The following SLC5A7 variants were observed in gnomAD, a reference collection of about 807,000 sequenced individuals.
SLC5A7 encodes the protein high affinity choline transporter 1.
In SLC5A7, 19 loss-of-function variants were observed where a neutral mutation model predicts 55.4. The observed-to-expected ratio is 0.34, with a 90% CI of 0.24 to 0.50. SLC5A7 has a LOEUF of 0.50. Ranked by LOEUF, SLC5A7 falls within the 20% of genes least tolerant of loss-of-function variation. The pLI is 0.98. For synonymous variants in SLC5A7, 265 were observed against 263.7 expected (o/e 1.00, Z -0.05); for missense variants, 506 against 705.3 (o/e 0.72, Z 3.20).
rs148535388 is a variant in SLC5A7, at chr2:108,010,424, G to A, written c.1306G>A (p.Val436Met). 213 of 1,613,898 alleles carry A rather than the reference G, an allele frequency of 1.3e-4. No individual in the cohort carries two copies. Among genetic ancestry groups the A allele is most frequent in the African/African-American group, 3.9e-4 (29 of 75,032 alleles). Residue 436 changes from valine (V) to methionine (M), a missense_variant, in exon 9 of 9, where the codon GTG becomes ATG. Transcript: ENST00000264047. ...FVKGTNTYGAVAGYVSGLFLR... is the reference protein window; with the variant it reads ...FVKGTNTYGAMAGYVSGLFLR... ...TAAGGGAACCAACACCTATGGGGCC[G>A]TGGCAGGTTATGTTTCTGGCCTCTT...
chr2:108,013,306 C>T lies in SLC5A7; in HGVS notation c.*2445C>T, dbSNP rs1301731209. On this transcript the variant is annotated 3_prime_UTR_variant, in exon 9 of 9. Coordinates refer to ENST00000264047, the MANE Select transcript of SLC5A7 (RefSeq NM_021815.5). ...TATTTAACCCATTATTCCTCACCTA[C>T]CCTCAAAGTAGGTATACAAAAGACT... 2 of 152,104 alleles carry T rather than the reference C, an allele frequency of 1.3e-5. No homozygotes were observed. Among genetic ancestry groups the T allele is most frequent in the Non-Finnish European group, 2.9e-5 (2 of 68,010 alleles). 9.4% of individuals were successfully genotyped at this position (152,104 alleles called of 1,614,324 possible).
At chr2:108,009,803 A>G (rs1678247035) in intron 8 of SLC5A7, among the ~76,000 whole-genome samples, 1 of 152,168 alleles carries the variant, frequency 6.6e-6, no homozygotes, top group Non-Finnish European at 1.5e-5. Context: ...AGAGCACCAG[A>G]AGGTGGTTAG....
intron 6 of SLC5A7, among the ~76,000 whole-genome samples, chr2:108,003,744 C>T (rs1678005350): frequency 6.6e-6 from 1 of 152,196 alleles, no homozygotes; most frequent in Admixed American, 6.5e-5. Context: ...AGCCTGCCCA[C>T]CTCTTACTCT....
intron 4 of SLC5A7, among the ~76,000 whole-genome samples, chr2:107,995,338 T>A (rs943335906): frequency 4.3e-4 from 66 of 152,328 alleles, no homozygotes; most frequent in African/African-American, 1.5e-3. Flanking sequence ...TATTACCTAA[T>A]CCATGACTAC....
At chr2:107,991,662 A>T (rs1346979504) in intron 2 of SLC5A7, among the ~76,000 whole-genome samples, 3 of 152,248 alleles carry the variant, frequency 2.0e-5, no homozygotes, top group Non-Finnish European at 1.5e-5. Context: ...AAACATCAAT[A>T]CAAGTAAAAT....
chr2:108,001,160 C>T (rs1677876745), intron 5 of SLC5A7, among the ~76,000 whole-genome samples: 2 of 151,934 alleles, frequency 1.3e-5, no homozygotes, highest in African/African-American at 4.8e-5. Context: ...CCTCCCCCCA[C>T]CCACACACAA....
intron 5 of SLC5A7, among the ~76,000 whole-genome samples, chr2:108,000,648 G>A (rs544684815): frequency 4.5e-4 from 69 of 152,110 alleles, no homozygotes; most frequent in African/African-American, 1.5e-3. Context: ...AGGCTGGAGT[G>A]CAGTGGCTCA....
At position 107,991,877 on chromosome 2, in the gene SLC5A7, A is replaced by C. The variant is rs188583924; in HGVS notation, c.179-229A>C. Reference sequence around the variant, plus strand: ...AAGAAATAGGTAAATTAATGTTAATAGTATAACTTATGTAACTCAATTCAT... The same window carrying C: ...AAGAAATAGGTAAATTAATGTTAATCGTATAACTTATGTAACTCAATTCAT... On this transcript the variant is annotated intron_variant, in intron 2 of 8. Coordinates refer to ENST00000264047, the MANE Select transcript of SLC5A7 (RefSeq NM_021815.5). 2.6e-5 allele frequency among the ~76,000 whole-genome samples: 4 copies of C among 152,378 alleles called. No homozygotes were observed. In the East Asian group the frequency reaches 7.7e-4, roughly 29 times the overall value.
At chr2:107,990,557 G>C (rs1029275895) in intron 2 of SLC5A7, among the ~76,000 whole-genome samples, 1 of 151,968 alleles carries the variant, frequency 6.6e-6, no homozygotes, top group African/African-American at 2.4e-5. Context: ...CTTAGAATAA[G>C]AAAACAAATA....
At chr2:107,997,497 T>C (rs200409668) in intron 4 of SLC5A7, among the ~76,000 whole-genome samples, 2 of 152,216 alleles carry the variant, frequency 1.3e-5, no homozygotes, top group East Asian at 3.8e-4. Context: ...CTGTATTTGA[T>C]TGAGTCAGAG....
At chr2:107,990,989 G>C (rs1677432440) in intron 2 of SLC5A7, among the ~76,000 whole-genome samples, 2 of 152,134 alleles carry the variant, frequency 1.3e-5, no homozygotes, top group Non-Finnish European at 2.9e-5. Context: ...TCTGTATAAG[G>C]ATTGCTTAGA....
chr2:107,995,462 A>AGTGTGTGT (rs1265286737), intron 4 of SLC5A7, among the ~76,000 whole-genome samples: 60 of 127,782 alleles, frequency 4.7e-4, no homozygotes, highest in African/African-American at 1.6e-3. Flanking sequence ...AGAGAGAGAG[A>AGTGTGTGT]GAGAGAGAGT....
At chr2:108,004,266 A>G (rs1322725316) in intron 6 of SLC5A7, among the ~76,000 whole-genome samples, 1 of 152,248 alleles carries the variant, frequency 6.6e-6, no homozygotes, top group Non-Finnish European at 1.5e-5. Flanking sequence ...AGTCATTGAC[A>G]TGCAAGATGT....
intron 7 of SLC5A7, 45 bp from the exon 8 acceptor site, chr2:108,008,420 T>A: frequency 6.6e-7 from 1 of 1,509,526 alleles, no homozygotes. Context: ...ATAAAGAACA[T>A]TTGGTTCCTT....
chr2:108,004,860 T>G (rs1009808051), intron 6 of SLC5A7, among the ~76,000 whole-genome samples: 1 of 152,210 alleles, frequency 6.6e-6, no homozygotes, highest in African/African-American at 2.4e-5. Flanking sequence ...CCTGTTAACA[T>G]GCAGCTACCC....
At chr2:107,992,293 T>C in intron 3 of SLC5A7, 74 bp downstream of exon 3, 2 of 862,830 alleles carry the variant, frequency 2.3e-6, no homozygotes, top group Non-Finnish European at 3.7e-6. Flanking sequence ...ACAAGTGGAA[T>C]AACAAGTCAA....
At chr2:108,001,761 G>C in intron 5 of SLC5A7, 136 bp from the exon 6 acceptor site, 2 of 784,638 alleles carry the variant, frequency 2.5e-6, no homozygotes, top group Non-Finnish European at 3.9e-6. Flanking sequence ...AAAAAACAGA[G>C]AACATGATTT....
At chr2:108,009,259 T>G (rs940537080) in intron 8 of SLC5A7, among the ~76,000 whole-genome samples, 1 of 152,178 alleles carries the variant, frequency 6.6e-6, no homozygotes, top group East Asian at 1.9e-4. Flanking sequence ...TTTTTGCTTT[T>G]GCTTTGTTTT....
At chr2:107,988,041 T>A in intron 1 of SLC5A7, 64 bp from the exon 2 acceptor site, 1 of 1,065,672 alleles carries the variant, frequency 9.4e-7, no homozygotes, top group Non-Finnish European at 1.4e-6. Context: ...GCTGGTTTAT[T>A]CCTGGCTGCC....
Sources: gnomAD v4.1 joint callset for allele counts (sites outside exome capture counted in the v4.1 genomes callset) on GRCh38, gnomAD v4.1.1 for gene constraint, MANE v1.5 for transcripts, NCBI Gene and HGNC (gene_info 2026-07-23, HGNC 2026-07-21) for gene names.